Variants in NT5DC4 observed in about 807,000 individuals in gnomAD.
NT5DC4 encodes 5'-nucleotidase domain containing 4, also known as 5'-nucleotidase domain-containing protein 4.
A neutral mutation model predicts 26.6 loss-of-function variants in NT5DC4; 44 were observed. That is an observed-to-expected ratio of 1.65 (90% confidence interval 1.30 to 2.13). NT5DC4 has a LOEUF of 2.13. NT5DC4 is among the 30% of genes most tolerant of loss of function. The probability of loss-of-function intolerance (pLI) is 0.00; values close to 1 mark genes in which losing one functional copy is unlikely to be tolerated. For synonymous variants in NT5DC4, 157 were observed against 86.7 expected, an observed-to-expected ratio of 1.81 and a Z score of -4.51; for missense variants, 399 against 228.1, an observed-to-expected ratio of 1.75 and a Z score of -4.83.
downstream of NT5DC4, among the ~76,000 whole-genome samples, chr2:112,739,532 T>C (rs139062054): frequency 2.9e-3 from 439 of 152,360 alleles, 8 homozygotes; most frequent in East Asian, 0.031. Flanking sequence ...TGGTTTTTAT[T>C]TGAAGTCAAA....
Position 112,723,730 on chromosome 2 carries a change from C to A in NT5DC4, c.684C>A (p.Pro228=), listed in dbSNP as rs565706601. ...TATCTCTGCCCCAGCCACGCCTCCC[C>A]ATCCTGCTGGGGAAGATGAAGGAGG... The part of the protein sequence containing the change: ...EKYVKKDPRL[P]ILLGKMKEVG... The change falls in exon 9 of 17, where the codon CCC becomes CCA. Residue 228 remains proline, a synonymous_variant. Transcript: ENST00000688554. 126 of 717,288 alleles carry A rather than the reference C, an allele frequency of 1.8e-4. 1 individual carries two copies. The South Asian group carries it at 1.8e-3, about 10-fold the overall frequency. 44.4% of individuals were successfully genotyped at this position (717,288 alleles called of 1,614,324 possible). A position where few individuals can be genotyped will look rare whatever the true frequency, so the allele number is the denominator to read the frequency against.
In NT5DC4 at chr2:112,732,055, C is replaced by G. The variant is rs143989121; in HGVS notation, c.1344+2351C>G. ...ACCTCCGAGTAGTTGGGATTACAGG[C>G]ATACTCCACCACACCTGGCTAATTT... is the stretch of plus-strand genomic sequence containing the variant. On this transcript the variant is annotated intron_variant, in intron 16 of 16. Coordinates refer to ENST00000688554, the MANE Select transcript of NT5DC4 (RefSeq NM_001393655.1). Among the ~76,000 whole-genome samples, 111 of 151,518 alleles carry G rather than the reference C, an allele frequency of 7.3e-4. No homozygotes were observed. In the East Asian group the frequency reaches 9.9e-3, roughly 13 times the overall value.
intron 10 of NT5DC4, 77 bp from the exon 11 acceptor site, chr2:112,724,704 G>A (rs1677457450): frequency 2.9e-6 from 2 of 694,178 alleles, no homozygotes; most frequent in Non-Finnish European, 2.7e-6. Context: ...GGAGAGGCAG[G>A]CTGTGGTGGG....
At position 112,723,709 on chromosome 2, in the gene NT5DC4, T is replaced by A. The variant is rs1677283913; in HGVS notation, c.673-10T>A. On this transcript the variant is annotated splice_polypyrimidine_tract_variant and intron_variant, in intron 8 of 16. Transcript: ENST00000688554. ...TCCCACCCCTGCAAGTCCCTCTATC[T>A]CTGCCCCAGCCACGCCTCCCCATCC... The A allele has an allele frequency of 1.4e-6, 1 of 716,556 alleles. No individual in the cohort carries two copies. The allele number at this position is 716,556 out of a possible 1,614,324, so 44.4% of individuals were successfully genotyped here. A position where few individuals can be genotyped will look rare whatever the true frequency, so the allele number is the denominator to read the frequency against.
intron 13 of NT5DC4, 55 bp from the exon 14 acceptor site, chr2:112,726,182 GC>G (rs1426219142): frequency 1.4e-6 from 1 of 716,260 alleles, no homozygotes; most frequent in African/African-American, 1.7e-5. Context: ...GGCAGGCAGG[GC>G]CAGTGGGTGA....
chr2:112,741,509 T>C (rs551230423), downstream of NT5DC4, among the ~76,000 whole-genome samples: 1 of 152,252 alleles, frequency 6.6e-6, no homozygotes, highest in East Asian at 1.9e-4. Context: ...ATCACCAAAA[T>C]GAAAGGAAGG....
chr2:112,725,019 A>G lies in NT5DC4; in HGVS notation c.915+113A>G, dbSNP rs1012926850. On this transcript the variant is annotated intron_variant, in intron 11 of 16. Coordinates refer to ENST00000688554, the MANE Select transcript of NT5DC4 (RefSeq NM_001393655.1). ...TGCTGGCCTGTCTGTCCCTGGAGGC[A>G]GGGAACCCGAGGCCGCCTTCAGCGC... 4 of 655,368 alleles carry G rather than the reference A, an allele frequency of 6.1e-6. No individual in the cohort carries two copies. In the African/African-American group the frequency reaches 7.2e-5, roughly 12 times the overall value. The allele number at this position is 655,368 out of a possible 1,614,324, so 40.6% of individuals were successfully genotyped here.
At chr2:112,739,465 G>A (rs1201680160), downstream of NT5DC4, among the ~76,000 whole-genome samples, 1 of 152,202 alleles carries the variant, frequency 6.6e-6, no homozygotes, top group Admixed American at 6.5e-5. Context: ...ACTGGGTGGT[G>A]TCCATCTGTT....
chr2:112,728,957 G>A (rs1215769895), intron 15 of NT5DC4, among the ~76,000 whole-genome samples: 2 of 152,176 alleles, frequency 1.3e-5, no homozygotes, highest in East Asian at 3.8e-4. Flanking sequence ...AGATGGGCTG[G>A]CCCAGACCGC....
chr2:112,719,481 C>CTTTTTTTTTT (rs57789268), upstream of NT5DC4, among the ~76,000 whole-genome samples: 9 of 101,292 alleles, frequency 8.9e-5, no homozygotes, highest in Non-Finnish European at 1.3e-4. Context: ...ACTTGTCTGT[C>CTTTTTTTTTT]TTTTTTTTTT....
rs189832069 is a variant in NT5DC4, at chr2:112,736,372, T to C, written c.1345-2541T>C. Reference sequence around the variant, plus strand: ...CATTTTGGTGACAATTTTATTTTATTAGGTATATTTAAGATTTACAACATG... The same window carrying C: ...CATTTTGGTGACAATTTTATTTTATCAGGTATATTTAAGATTTACAACATG... On this transcript the variant is annotated intron_variant, in intron 16 of 16. Transcript: ENST00000688554. Among the ~76,000 whole-genome samples, 23 of 152,314 alleles carry C rather than the reference T, an allele frequency of 1.5e-4. No individual in the cohort carries two copies. In the East Asian group the frequency reaches 1.5e-3, roughly 10 times the overall value.
intron 16 of NT5DC4, chr2:112,737,089 C>A (rs531742234): frequency 6.6e-6 from 1 of 152,172 alleles, no homozygotes; most frequent in Admixed American, 6.5e-5. Flanking sequence ...ACCATGCCCG[C>A]CTACTTTTTG....
intron 16 of NT5DC4, among the ~76,000 whole-genome samples, chr2:112,731,963 C>G (rs1016266401): frequency 6.2e-5 from 9 of 145,252 alleles, no homozygotes; most frequent in African/African-American, 2.3e-4. Context: ...CATTCTGTCA[C>G]CCAGGCTGCA....
At chr2:112,741,873 G>C (rs1679990450), downstream of NT5DC4, among the ~76,000 whole-genome samples, 1 of 149,924 alleles carries the variant, frequency 6.7e-6, no homozygotes, top group Admixed American at 6.6e-5. Flanking sequence ...CGATTCTCCT[G>C]CCTCAGCCTC....
chr2:112,730,142 G>T (rs1330340329), intron 16 of NT5DC4, among the ~76,000 whole-genome samples: 1 of 151,830 alleles, frequency 6.6e-6, no homozygotes, highest in East Asian at 1.9e-4. Flanking sequence ...GTGAAAACCC[G>T]TCTCTATTAA....
upstream of NT5DC4, among the ~76,000 whole-genome samples, chr2:112,718,995 C>G (rs1273052874): frequency 6.6e-6 from 1 of 152,214 alleles, no homozygotes; most frequent in African/African-American, 2.4e-5. Context: ...CATATCCTTG[C>G]CTCACCATCT....
In NT5DC4 at chr2:112,722,052, G is replaced by A; in HGVS notation, c.215G>A (p.Gly72Glu). 1 of 717,156 alleles carries A rather than the reference G, an allele frequency of 1.4e-6. No homozygotes were observed. The highest frequency in any genetic ancestry group is 1.5e-5 in the South Asian group (1 of 67,604). The allele number at this position is 717,156 out of a possible 1,614,324, so 44.4% of individuals were successfully genotyped here. A position where few individuals can be genotyped will look rare whatever the true frequency, so the allele number is the denominator to read the frequency against. ...CTGCTGGAGCGCCTGGTGTGCATTG[G>A]GTACCCGCATGAGATCCTGCGCTAC... ...ELLLERLVCI[G>E]YPHEILRYTY... Residue 72 changes from glycine (G) to glutamate (E), a missense_variant, in exon 3 of 17, where the codon GGG (glycine) becomes GAG (glutamate). Transcript: ENST00000688554.
chr2:112,740,881 C>A (rs779883772), downstream of NT5DC4: 2 of 1,614,054 alleles, frequency 1.2e-6, no homozygotes, highest in Admixed American at 3.3e-5. Flanking sequence ...CTTGGCTATT[C>A]GGGGTGTCGC....
At chr2:112,741,947 T>C (rs1387069061), downstream of NT5DC4, among the ~76,000 whole-genome samples, 2 of 144,714 alleles carry the variant, frequency 1.4e-5, no homozygotes, top group Non-Finnish European at 3.1e-5. Flanking sequence ...TCTGTTTTTT[T>C]TTTTTTTTTT....
Sources: gnomAD v4.1 joint callset for allele counts (sites outside exome capture counted in the v4.1 genomes callset) on GRCh38, gnomAD v4.1.1 for gene constraint, MANE v1.5 for transcripts, NCBI Gene and HGNC (gene_info 2026-07-23, HGNC 2026-07-21) for gene names.